GALNT13: variants seen among roughly 807,000 people sequenced by gnomAD.
GALNT13 encodes the protein UDP-GalNAc:polypeptide N-acetylgalactosaminyltransferase 13.
GALNT13 carries 28 observed loss-of-function variants against 64.2 expected under a neutral mutation model. The ratio of observed to expected loss-of-function variants is 0.44; its 90% CI spans 0.32 to 0.60. GALNT13 has a LOEUF of 0.60. Among genes scored for constraint, GALNT13 ranks in the 20% least tolerant of loss-of-function variants. GALNT13 has a pLI of 0.05. For missense variants in GALNT13, 577 were observed against 669.8 expected, an observed-to-expected ratio of 0.86 and a Z score of 1.53; for synonymous variants, 214 against 224.6, an observed-to-expected ratio of 0.95 and a Z score of 0.42.
At chr2:153,427,639 A>AT in the GALNT13 span, among the ~76,000 whole-genome samples, 1 of 152,170 alleles carries the variant, frequency 6.6e-6, no homozygotes, top group African/African-American at 2.4e-5. Flanking sequence ...GAACTTAAAC[A>AT]TTTTTTAAAA....
At chr2:153,339,742 T>C in the GALNT13 span, among the ~76,000 whole-genome samples, 1 of 152,206 alleles carries the variant, frequency 6.6e-6, no homozygotes, top group Non-Finnish European at 1.5e-5. Flanking sequence ...TCAGGTCTTA[T>C]GGTTAAGTCT....
intron 12 of GALNT13, among the ~76,000 whole-genome samples, chr2:154,443,855 A>C (rs1701427889): frequency 6.6e-6 from 1 of 152,166 alleles, no homozygotes; most frequent in Non-Finnish European, 1.5e-5. Flanking sequence ...AAAATATTCT[A>C]CATTGCAGGC....
chr2:153,814,807 C>T, the GALNT13 span, among the ~76,000 whole-genome samples: 1 of 152,156 alleles, frequency 6.6e-6, no homozygotes. Flanking sequence ...CTAATTCTAG[C>T]CCAGCTGAAT....
chr2:153,840,430 C>G, the GALNT13 span, among the ~76,000 whole-genome samples: 1 of 152,002 alleles, frequency 6.6e-6, no homozygotes, highest in Non-Finnish European at 1.5e-5. Context: ...TATAATAAAG[C>G]AATAACCTTC....
At chr2:153,455,643 A>ACT in the GALNT13 span, among the ~76,000 whole-genome samples, 19 of 151,624 alleles carry the variant, frequency 1.3e-4, no homozygotes, top group African/African-American at 4.4e-4. Flanking sequence ...GGTACCCACG[A>ACT]CTCCTGAAGC....
the GALNT13 span, among the ~76,000 whole-genome samples, chr2:153,196,093 C>G: frequency 1.3e-5 from 2 of 152,304 alleles, no homozygotes; most frequent in Middle Eastern, 3.4e-3. Context: ...CTTGGGCCAC[C>G]AGGAGCGGGT....
At chr2:153,748,850 C>G in the GALNT13 span, among the ~76,000 whole-genome samples, 6 of 151,820 alleles carry the variant, frequency 4.0e-5, no homozygotes, top group South Asian at 1.2e-3. Flanking sequence ...TTTTTCCACC[C>G]TTATTATAAT....
chr2:154,229,755 G>A (rs1052581977), intron 4 of GALNT13, among the ~76,000 whole-genome samples: 4 of 151,932 alleles, frequency 2.6e-5, no homozygotes, highest in Non-Finnish European at 5.9e-5. Context: ...AGCATGAGAG[G>A]GCTTTGTTCC....
At chr2:153,626,788 A>T in the GALNT13 span, among the ~76,000 whole-genome samples, 1 of 152,134 alleles carries the variant, frequency 6.6e-6, no homozygotes, top group South Asian at 2.1e-4. Flanking sequence ...AGAATGTGAA[A>T]TAGAGACTCT....
intron 9 of GALNT13, among the ~76,000 whole-genome samples, chr2:154,395,254 A>T (rs1228524603): frequency 6.6e-6 from 1 of 152,226 alleles, no homozygotes; most frequent in Non-Finnish European, 1.5e-5. Context: ...TTTTATAAAA[A>T]TTAGTAGCAT....
the GALNT13 span, among the ~76,000 whole-genome samples, chr2:153,245,396 G>A: frequency 6.6e-6 from 1 of 152,206 alleles, no homozygotes; most frequent in Non-Finnish European, 1.5e-5. Flanking sequence ...AGCTCTGGCT[G>A]CCGTCAGGCT....
intron 9 of GALNT13, among the ~76,000 whole-genome samples, chr2:154,381,611 A>C (rs1698274830): frequency 6.6e-6 from 1 of 152,094 alleles, no homozygotes; most frequent in Admixed American, 6.6e-5. Flanking sequence ...GGGAAGGAAC[A>C]GAGGTTAAGG....
the GALNT13 span, among the ~76,000 whole-genome samples, chr2:153,658,808 C>T: frequency 6.6e-6 from 1 of 151,304 alleles, no homozygotes; most frequent in Non-Finnish European, 1.5e-5. Flanking sequence ...TAAGACAATC[C>T]AGAAATTCAC....
intron 3 of GALNT13, among the ~76,000 whole-genome samples, chr2:154,133,255 A>G (rs960040479): frequency 2.6e-5 from 4 of 152,032 alleles, no homozygotes; most frequent in African/African-American, 9.7e-5. Flanking sequence ...GTTATACAAA[A>G]TATTATTTTT....
At chr2:153,885,828 A>G (rs1687136204) in intron 1 of GALNT13, among the ~76,000 whole-genome samples, 1 of 152,140 alleles carries the variant, frequency 6.6e-6, no homozygotes, top group African/African-American at 2.4e-5. Flanking sequence ...TAATTGCTGT[A>G]AAGATACTAG....
At chr2:154,300,771 G>A (rs1440613513) in intron 8 of GALNT13, among the ~76,000 whole-genome samples, 1 of 152,054 alleles carries the variant, frequency 6.6e-6, no homozygotes, top group African/African-American at 2.4e-5. Context: ...TAGTTTTAAA[G>A]GAGTGATAAG....
At chr2:154,237,518 T>TTATATATATATA (rs10624007) in intron 4 of GALNT13, among the ~76,000 whole-genome samples, 115 of 142,792 alleles carry the variant, frequency 8.1e-4, no homozygotes, top group South Asian at 2.0e-3. Flanking sequence ...TCTGCCAGCT[T>TTATATATATATA]TATATATATA....
chr2:153,565,575 G>A, the GALNT13 span, among the ~76,000 whole-genome samples: 1 of 152,064 alleles, frequency 6.6e-6, no homozygotes, highest in African/African-American at 2.4e-5. Flanking sequence ...TGGAAACTAT[G>A]ACTATAGGCA....
chr2:153,342,149 C>A, the GALNT13 span, among the ~76,000 whole-genome samples: 2 of 152,140 alleles, frequency 1.3e-5, no homozygotes, highest in Admixed American at 1.3e-4. Flanking sequence ...CAGGAGCAGA[C>A]ACAGTGAAGC....
Sources: gnomAD v4.1 joint callset for allele counts (sites outside exome capture counted in the v4.1 genomes callset) on GRCh38, gnomAD v4.1.1 for gene constraint, MANE v1.5 for transcripts, NCBI Gene and HGNC (gene_info 2026-07-23, HGNC 2026-07-21) for gene names.